Variants in CSMD1 observed in about 807,000 individuals in gnomAD.
CSMD1 encodes the protein CUB and sushi domain-containing protein 1.
CSMD1 carries 213 observed loss-of-function variants against 417.5 expected under a neutral mutation model. The observed-to-expected ratio is 0.51, with a 90% CI of 0.46 to 0.57. The LOEUF is 0.57. CSMD1 is among the 20% of genes least tolerant of loss of function. The probability of loss-of-function intolerance (pLI) is 0.00; values close to 1 mark genes in which losing one functional copy is unlikely to be tolerated. For synonymous variants in CSMD1, 2,862 were observed against 1,736.8 expected, an observed-to-expected ratio of 1.65 and a Z score of -16.11; for missense variants, 6,923 against 4,529.7, an observed-to-expected ratio of 1.53 and a Z score of -15.17.
intron 3 of CSMD1, among the ~76,000 whole-genome samples, chr8:4,392,215 G>A (rs112691309): frequency 1.6e-4 from 24 of 152,202 alleles, no homozygotes; most frequent in African/African-American, 4.3e-4. Context: ...ACAGCAGATC[G>A]TTCTAACATT....
At chr8:4,185,077 T>G (rs1209956015) in intron 3 of CSMD1, among the ~76,000 whole-genome samples, 1 of 140,050 alleles carries the variant, frequency 7.1e-6, no homozygotes, top group African/African-American at 2.7e-5. Flanking sequence ...AGGCAGAGGT[T>G]GCAGTGAGCC....
At chr8:4,201,464 G>A (rs1011834498) in intron 3 of CSMD1, among the ~76,000 whole-genome samples, 54 of 137,602 alleles carry the variant, frequency 3.9e-4, no homozygotes, top group African/African-American at 1.4e-3. Context: ...CATGAACACG[G>A]GAGGCGGAGC....
chr8:3,399,518 C>G lies in CSMD1; in HGVS notation c.2278G>C (p.Gly760Arg). 1.9e-6 allele frequency: 3 copies of G among 1,595,204 alleles called. No homozygotes were observed. Among genetic ancestry groups the G allele is most frequent in the Non-Finnish European group, 2.6e-6 (3 of 1,171,950 alleles). The part of the protein sequence containing the change: ...TVPRCEAPCG[G>R]HLTASSGVIL... ...ACTCCGCTGGACGCTGTCAGATGTC[C>G]ACCACATGGAGCTAAAACAAGACGT... Residue 760 changes from glycine to arginine, a missense_variant, in exon 16 of 70, where the codon GGA becomes CGA. By Grantham distance (125) the Gly-to-Arg change is moderately radical (BLOSUM62 -2). Transcript: ENST00000635120.
At chr8:3,307,283 G>A (rs948864657) in intron 25 of CSMD1, among the ~76,000 whole-genome samples, 1 of 151,860 alleles carries the variant, frequency 6.6e-6, no homozygotes, top group African/African-American at 2.4e-5. Context: ...CAGAAGCCTG[G>A]TGTGCAGGGG....
intron 6 of CSMD1, among the ~76,000 whole-genome samples, chr8:3,727,590 T>C (rs573848894): frequency 6.6e-4 from 101 of 152,276 alleles, no homozygotes; most frequent in African/African-American, 2.3e-3. Flanking sequence ...AAAATGAGCA[T>C]ATGATACTGC....
At chr8:4,289,726 T>C (rs1031226825) in intron 3 of CSMD1, among the ~76,000 whole-genome samples, 11 of 152,186 alleles carry the variant, frequency 7.2e-5, no homozygotes, top group South Asian at 2.1e-4. Context: ...GAGATTTTGC[T>C]ACTGGGTAAT....
At chr8:4,756,790 T>C (rs557357245) in intron 1 of CSMD1, among the ~76,000 whole-genome samples, 2 of 152,224 alleles carry the variant, frequency 1.3e-5, no homozygotes, top group Non-Finnish European at 2.9e-5. Context: ...TTTAGGTCTA[T>C]ATTTTCTATG....
rs59582763 is a variant in CSMD1 at position 4,728,500 on chromosome 8, C to T, written c.86-90942G>A. ...GTGCTGCCATGTAGCAGGTTCTCAG[C>T]GACTATTTACTAGGTGAAATAAATA... On this transcript the variant is annotated intron_variant, in intron 1 of 69. Coordinates refer to ENST00000635120, the MANE Select transcript of CSMD1 (RefSeq NM_033225.6). Among the ~76,000 whole-genome samples the T allele has an allele frequency of 7.7e-3, 1,172 of 152,058 alleles. 21 individuals are homozygous for T. Among genetic ancestry groups the T allele is most frequent in the East Asian group, 0.055 (285 of 5,154 alleles).
chr8:3,087,990 G>C (rs1392246235), intron 48 of CSMD1, among the ~76,000 whole-genome samples: 1 of 152,162 alleles, frequency 6.6e-6, no homozygotes, highest in Admixed American at 6.5e-5. Context: ...ACTGTTCAGT[G>C]AAACTTCTGG....
intron 5 of CSMD1, among the ~76,000 whole-genome samples, chr8:3,982,017 A>G (rs1813909044): frequency 6.6e-6 from 1 of 151,974 alleles, no homozygotes; most frequent in Non-Finnish European, 1.5e-5. Context: ...TAAAAATACA[A>G]AAAATTAGCC....
At chr8:4,585,181 T>G (rs1257622678) in intron 2 of CSMD1, among the ~76,000 whole-genome samples, 1 of 150,086 alleles carries the variant, frequency 6.7e-6, no homozygotes, top group Non-Finnish European at 1.5e-5. Flanking sequence ...AAAATAACTG[T>G]GATTAATATG....
At chr8:3,062,078 A>G (rs1234366003) in intron 49 of CSMD1, among the ~76,000 whole-genome samples, 5 of 152,214 alleles carry the variant, frequency 3.3e-5, no homozygotes, top group Non-Finnish European at 5.9e-5. Context: ...TTAGAAATAC[A>G]TTTTCAAATA....
At chr8:3,569,247 G>C (rs925845678) in intron 10 of CSMD1, among the ~76,000 whole-genome samples, 1 of 152,006 alleles carries the variant, frequency 6.6e-6, no homozygotes, top group African/African-American at 2.4e-5. Flanking sequence ...TAGATATTTC[G>C]TGTTCCTTTT....
chr8:3,010,961 C>G (rs555627044), intron 52 of CSMD1, among the ~76,000 whole-genome samples: 1 of 152,010 alleles, frequency 6.6e-6, no homozygotes, highest in Non-Finnish European at 1.5e-5. Context: ...CTCCTGACCT[C>G]GTGATCTGCC....
intron 7 of CSMD1, among the ~76,000 whole-genome samples, chr8:3,669,412 G>A (rs577120433): frequency 4.6e-5 from 7 of 152,248 alleles, no homozygotes; most frequent in African/African-American, 7.2e-5. Context: ...CTAGGGGTTC[G>A]TGTTTACACT....
At chr8:4,696,541 C>A (rs774443930) in intron 1 of CSMD1, among the ~76,000 whole-genome samples, 2 of 152,150 alleles carry the variant, frequency 1.3e-5, no homozygotes, top group African/African-American at 4.8e-5. Context: ...CTGGAAGCCC[C>A]TAATATTTGG....
intron 5 of CSMD1, among the ~76,000 whole-genome samples, chr8:3,759,032 C>T (rs1040302646): frequency 6.6e-6 from 1 of 152,184 alleles, no homozygotes; most frequent in Non-Finnish European, 1.5e-5. Flanking sequence ...AACGCCTTTT[C>T]CCATAGAGTC....
chr8:3,111,793 T>G (rs1816535143), intron 42 of CSMD1, among the ~76,000 whole-genome samples: 1 of 152,114 alleles, frequency 6.6e-6, no homozygotes, highest in Admixed American at 6.5e-5. Flanking sequence ...GATTGTGCCA[T>G]TGCACTCCAG....
Position 3,998,017 on chromosome 8 carries a change from G to T in CSMD1, c.704C>A (p.Thr235Asn). The change falls in exon 5 of 70, where the codon ACC (threonine) becomes AAC (asparagine). Residue 235 changes from threonine (T) to asparagine (N), a missense_variant. Thr to Asn is a moderately conservative substitution (Grantham distance 65). Transcript: ENST00000635120. ...CCCGGGCTCAGCCAGAATGGTCCAGGTGCAGTCCGCGTTGTTCTCGTACTC... is the reference window on the plus strand; with the variant it reads ...CCCGGGCTCAGCCAGAATGGTCCAGTTGCAGTCCGCGTTGTTCTCGTACTC... ...PSEYENNADCTWTILAEPGDT... is the reference protein window; with the variant it reads ...PSEYENNADCNWTILAEPGDT... 4 of 1,608,276 alleles carry T rather than the reference G, an allele frequency of 2.5e-6. No homozygotes were observed. Among genetic ancestry groups the T allele is most frequent in the Non-Finnish European group, 2.5e-6 (3 of 1,177,128 alleles).
Sources: allele counts gnomAD v4.1 joint callset (sites outside exome capture counted in the v4.1 genomes callset), GRCh38; gene constraint gnomAD v4.1.1; transcripts MANE v1.5; gene names NCBI Gene and HGNC (gene_info 2026-07-23, HGNC 2026-07-21).